Variants in SPTLC1 observed in about 807,000 individuals in gnomAD.
The protein encoded by SPTLC1 is serine palmitoyltransferase 1.
Under a neutral mutation model 68.9 loss-of-function variants are expected in SPTLC1, and 55 were observed. The observed-to-expected ratio is 0.80, with a 90% CI of 0.64 to 1.00. The LOEUF (loss-of-function observed/expected upper bound fraction) is 1.00. Among genes scored for constraint, SPTLC1 ranks in the 50% least tolerant of loss-of-function variants. SPTLC1 has a pLI of 0.00. For synonymous variants in SPTLC1, 197 were observed against 201.6 expected, an observed-to-expected ratio of 0.98 and a Z score of 0.19; for missense variants, 449 against 573.1, an observed-to-expected ratio of 0.78 and a Z score of 2.21.
At chr9:92,058,045 T>TCA (rs1365691798) in intron 7 of SPTLC1, among the ~76,000 whole-genome samples, 1 of 152,250 alleles carries the variant, frequency 6.6e-6, no homozygotes, top group African/African-American at 2.4e-5. Flanking sequence ...CAGACTAGCT[T>TCA]TCTATTACTG....
chr9:92,104,834 C>T, intron 3 of SPTLC1: 6 of 1,526,456 alleles, frequency 3.9e-6, no homozygotes, highest in Non-Finnish European at 5.3e-6. Flanking sequence ...GGGAAATGTC[C>T]ACCTCAAGAG....
At chr9:92,085,685 G>T (rs527524260) in intron 3 of SPTLC1, among the ~76,000 whole-genome samples, 30 of 151,746 alleles carry the variant, frequency 2.0e-4, no homozygotes, top group African/African-American at 7.0e-4. Context: ...TTTGGAATAG[G>T]TGTGGTGTGG....
chr9:92,095,341 A>T (rs1197507823), intron 3 of SPTLC1, among the ~76,000 whole-genome samples: 1 of 152,216 alleles, frequency 6.6e-6, no homozygotes, highest in Admixed American at 6.5e-5. Context: ...AGGCAGGCAT[A>T]TATCAGTATC....
Position 92,031,881 on chromosome 9 carries a change from T to C in SPTLC1, c.*584A>G, listed in dbSNP as rs1832974727. 6.0e-6 allele frequency: 1 copy of C among 167,374 alleles called. No individual in the cohort carries two copies. The highest frequency in any genetic ancestry group is 6.0e-5 in the Admixed American group (1 of 16,660). The allele number at this position is 167,374 out of a possible 1,614,324, so 10.4% of individuals were successfully genotyped here. A position where few individuals can be genotyped will look rare whatever the true frequency, so the allele number is the denominator to read the frequency against. On this transcript the variant is annotated 3_prime_UTR_variant, in exon 15 of 15. Transcript: ENST00000262554. ...ATCAATATTTAGTGTGTACAAAAGT[T>C]CTAAGATTCAAATACAATGCAAAGT...
chr9:92,040,906 T>C (rs933751420), intron 12 of SPTLC1, among the ~76,000 whole-genome samples: 1 of 152,240 alleles, frequency 6.6e-6, no homozygotes, highest in African/African-American at 2.4e-5. Flanking sequence ...AGATGCTGAA[T>C]GTCAGATGAG....
intron 3 of SPTLC1, among the ~76,000 whole-genome samples, chr9:92,086,675 A>AT (rs1201329762): frequency 1.3e-5 from 2 of 151,840 alleles, no homozygotes; most frequent in African/African-American, 2.4e-5. Context: ...TGCCCTTAAC[A>AT]TTTTTTCCTT....
chr9:92,061,254 G>A (rs1434453010), intron 6 of SPTLC1, among the ~76,000 whole-genome samples: 3 of 152,162 alleles, frequency 2.0e-5, no homozygotes, highest in Non-Finnish European at 4.4e-5. Context: ...AAAGCAGCCA[G>A]AGAAAAATGA....
intron 11 of SPTLC1, chr9:92,046,299 T>A (rs2118441520): frequency 1.8e-6 from 1 of 550,298 alleles, no homozygotes; most frequent in South Asian, 2.2e-5. Context: ...TCAAGAACAA[T>A]CAATGCCTCT....
At chr9:92,039,424 A>ATTT (rs1833264215) in intron 12 of SPTLC1, among the ~76,000 whole-genome samples, 1 of 151,786 alleles carries the variant, frequency 6.6e-6, no homozygotes, top group African/African-American at 2.4e-5. Context: ...TACTATTATT[A>ATTT]TTATTATTAT....
intron 1 of SPTLC1, chr9:92,115,006 C>CAT: frequency 2.0e-6 from 1 of 491,392 alleles, no homozygotes; most frequent in South Asian, 2.2e-5. Context: ...TATCGTCCGT[C>CAT]TAAACTCTGG....
At chr9:92,071,752 C>A (rs1834500219) in intron 5 of SPTLC1, among the ~76,000 whole-genome samples, 1 of 152,128 alleles carries the variant, frequency 6.6e-6, no homozygotes, top group Non-Finnish European at 1.5e-5. Flanking sequence ...GTCCTGCAGC[C>A]AGAAAATCTG....
intron 3 of SPTLC1, among the ~76,000 whole-genome samples, chr9:92,085,357 C>T (rs1835079045): frequency 6.7e-6 from 1 of 149,440 alleles, no homozygotes; most frequent in South Asian, 2.2e-4. Flanking sequence ...TGGATCTTTC[C>T]TGCTTTCTCT....
chr9:92,115,174 C>T (rs1836405163), intron 1 of SPTLC1, 140 bp downstream of exon 1: 1 of 793,548 alleles, frequency 1.3e-6, no homozygotes, highest in Non-Finnish European at 2.2e-6. Context: ...AAGCTCCCGG[C>T]AGTCCTTCCA....
At chr9:92,036,571 T>C (rs16908106) in intron 13 of SPTLC1, among the ~76,000 whole-genome samples, 24,317 of 152,200 alleles carry the variant, frequency 0.16, 2,815 homozygotes, top group African/African-American at 0.33. Context: ...GCGGAGCCAT[T>C]ACTCAGACCC....
At chr9:92,099,093 A>C (rs1259693752) in intron 3 of SPTLC1, among the ~76,000 whole-genome samples, 1 of 152,240 alleles carries the variant, frequency 6.6e-6, no homozygotes, top group African/African-American at 2.4e-5. Context: ...AATAATACTA[A>C]TGAAGTCATA....
chr9:92,074,131 C>T (rs576353723), intron 5 of SPTLC1, among the ~76,000 whole-genome samples: 28 of 152,258 alleles, frequency 1.8e-4, no homozygotes, highest in African/African-American at 3.9e-4. Context: ...CCATCACAGA[C>T]GCCAAGCTTC....
chr9:92,101,456 G>A (rs1346926992), intron 3 of SPTLC1, among the ~76,000 whole-genome samples: 7 of 150,168 alleles, frequency 4.7e-5, no homozygotes, highest in African/African-American at 1.2e-4. Context: ...CAGCTACTCC[G>A]GAGGCTGAGG....
chr9:92,057,349 G>GCACCA (rs1209652970), intron 7 of SPTLC1, among the ~76,000 whole-genome samples: 1 of 152,136 alleles, frequency 6.6e-6, no homozygotes. Flanking sequence ...TTTAAAGACA[G>GCACCA]CACCACAGGA....
chr9:92,054,324 C>CT (rs1833808237), intron 8 of SPTLC1, among the ~76,000 whole-genome samples: 1 of 152,072 alleles, frequency 6.6e-6, no homozygotes, highest in Non-Finnish European at 1.5e-5. Context: ...GCAAGCTATG[C>CT]TTTCATTCAT....
Sources: gnomAD v4.1 joint callset for allele counts (sites outside exome capture counted in the v4.1 genomes callset) on GRCh38, gnomAD v4.1.1 for gene constraint, MANE v1.5 for transcripts, NCBI Gene and HGNC (gene_info 2026-07-23, HGNC 2026-07-21) for gene names.